DLGAP2: variants seen among roughly 807,000 people sequenced by gnomAD.
DLGAP2 encodes the protein DLG associated protein 2.
Under a neutral mutation model 100.3 loss-of-function variants are expected in DLGAP2, and 26 were observed. That is an observed-to-expected ratio of 0.26 (90% CI 0.19 to 0.36). The LOEUF (loss-of-function observed/expected upper bound fraction) is 0.36. Among genes scored for constraint, DLGAP2 ranks in the 10% least tolerant of loss-of-function variants. DLGAP2 has a pLI of 1.00. For missense variants in DLGAP2, 1,858 were observed against 1,453.2 expected, an observed-to-expected ratio of 1.28 and a Z score of -4.53; for synonymous variants, 886 against 630.1, an observed-to-expected ratio of 1.41 and a Z score of -6.08.
At chr8:1,640,773 C>T (rs1257342422) in intron 8 of DLGAP2, among the ~76,000 whole-genome samples, 1 of 152,152 alleles carries the variant, frequency 6.6e-6, no homozygotes, top group Non-Finnish European at 1.5e-5. Context: ...CGTGGCCCGC[C>T]CCCCCGCATC....
At chr8:788,297 C>T (rs1460019476) in intron 1 of DLGAP2, among the ~76,000 whole-genome samples, 2 of 152,192 alleles carry the variant, frequency 1.3e-5, no homozygotes, top group Non-Finnish European at 2.9e-5. Context: ...GTGGTCTGGT[C>T]GAGATAGCAG....
intron 2 of DLGAP2, among the ~76,000 whole-genome samples, chr8:1,050,237 A>G (rs1802638731): frequency 6.6e-6 from 1 of 152,238 alleles, no homozygotes; most frequent in South Asian, 2.1e-4. Flanking sequence ...CGATTTAACC[A>G]TGGTTTGACA....
chr8:1,376,718 C>T lies in DLGAP2; in HGVS notation c.106+117835C>T, dbSNP rs866689494. Among the ~76,000 whole-genome samples, 17 of 60,720 alleles carry T rather than the reference C, an allele frequency of 2.8e-4. 1 individual carries two copies. In the East Asian group the frequency reaches 0.011, roughly 39 times the overall value. The allele number at this position is 60,720 out of a possible 152,430, so 39.8% of individuals were successfully genotyped here. A position where few individuals can be genotyped will look rare whatever the true frequency, so the allele number is the denominator to read the frequency against. ...GGGACAGGGCTACCGAGACCCTCAACCTGAGCCCGGTGGGATGTGTGGTCA... is the reference window on the plus strand; with the variant it reads ...GGGACAGGGCTACCGAGACCCTCAATCTGAGCCCGGTGGGATGTGTGGTCA... On this transcript the variant is annotated intron_variant, in intron 3 of 14. Coordinates refer to ENST00000637795, the MANE Select transcript of DLGAP2 (RefSeq NM_001346810.2).
chr8:1,459,970 G>A lies in DLGAP2; in HGVS notation c.107-41396G>A, dbSNP rs144885138. 5.2e-3 allele frequency among the ~76,000 whole-genome samples: 792 copies of A among 152,242 alleles called. 5 individuals carry two copies. The highest frequency in any genetic ancestry group is 0.018 in the African/African-American group (738 of 41,536). Reference sequence around the variant, plus strand: ...CACAGGGCAAAAAGTACTCACAGAGGTTCGGGACCTCGGGTGTTTTTATGT... The same window carrying A: ...CACAGGGCAAAAAGTACTCACAGAGATTCGGGACCTCGGGTGTTTTTATGT... On this transcript the variant is annotated intron_variant, in intron 3 of 14. Coordinates refer to ENST00000637795, the MANE Select transcript of DLGAP2 (RefSeq NM_001346810.2).
intron 3 of DLGAP2, among the ~76,000 whole-genome samples, chr8:1,386,383 C>T (rs1176898346): frequency 6.6e-6 from 1 of 152,162 alleles, no homozygotes; most frequent in African/African-American, 2.4e-5. Flanking sequence ...CCAGCATTGC[C>T]AGGGGAGCCT....
intron 3 of DLGAP2, among the ~76,000 whole-genome samples, chr8:1,448,953 C>G (rs902766565): frequency 1.3e-5 from 2 of 152,230 alleles, no homozygotes; most frequent in Admixed American, 6.5e-5. Flanking sequence ...GAAGCAAAGT[C>G]TGTGTCCTTA....
chr8:1,476,852 C>A (rs540117280), intron 3 of DLGAP2, among the ~76,000 whole-genome samples: 1 of 151,862 alleles, frequency 6.6e-6, no homozygotes, highest in African/African-American at 2.4e-5. Context: ...TCTGCAGACC[C>A]ACCCGTGATG....
chr8:1,340,040 G>A (rs1479992293), intron 3 of DLGAP2, among the ~76,000 whole-genome samples: 1 of 152,160 alleles, frequency 6.6e-6, no homozygotes, highest in Non-Finnish European at 1.5e-5. Context: ...GAACTGGCAG[G>A]ACGTGTGCAG....
At chr8:1,009,564 A>G (rs1276068287) in intron 2 of DLGAP2, among the ~76,000 whole-genome samples, 1 of 152,196 alleles carries the variant, frequency 6.6e-6, no homozygotes, top group African/African-American at 2.4e-5. Context: ...TTTTGAGCTC[A>G]CACTGTTCAT....
intron 1 of DLGAP2, among the ~76,000 whole-genome samples, chr8:821,478 T>C (rs968605746): frequency 1.3e-5 from 2 of 152,204 alleles, no homozygotes; most frequent in Non-Finnish European, 2.9e-5. Context: ...ATTTCATGCA[T>C]TAGTATGCCA....
rs563236564 is a variant in DLGAP2 at position 865,172 on chromosome 8, G to A, written c.19-42740G>A. 1.2e-4 allele frequency among the ~76,000 whole-genome samples: 19 copies of A among 152,318 alleles called. No homozygotes were observed. In the South Asian group the frequency reaches 3.7e-3, roughly 30 times the overall value. On this transcript the variant is annotated intron_variant, in intron 1 of 14. Coordinates refer to ENST00000637795, the MANE Select transcript of DLGAP2 (RefSeq NM_001346810.2). The stretch of plus-strand genomic sequence containing the variant: ...GCTCACCTGGCCCACCAGGACGACG[G>A]GTGCCCTCGCTGGACACGCTGTCTG...
Position 1,175,778 on chromosome 8 carries a change from C to A in DLGAP2, c.74-83073C>A, listed in dbSNP as rs867156125. ...CTTTGTCATTCACCCTATACCTCAT[C>A]GGGAAAGTAAATCTTAATACTTATT... On this transcript the variant is annotated intron_variant, in intron 2 of 14. Coordinates refer to ENST00000637795, the MANE Select transcript of DLGAP2 (RefSeq NM_001346810.2). Among the ~76,000 whole-genome samples, 3 of 152,310 alleles carry A rather than the reference C, an allele frequency of 2.0e-5. No homozygotes were observed. The South Asian group carries it at 6.2e-4, about 32-fold the overall frequency.
chr8:836,506 G>A (rs1158461601), intron 1 of DLGAP2, among the ~76,000 whole-genome samples: 1 of 152,226 alleles, frequency 6.6e-6, no homozygotes, highest in East Asian at 1.9e-4. Flanking sequence ...CCTGGCAAGC[G>A]TTCGAGGCCT....
rs370022303 is a variant in DLGAP2, at chr8:1,706,271, T to C, written c.*4865T>C. The C allele has an allele frequency of 6.6e-5, 10 of 152,216 alleles. No homozygotes were observed. Among genetic ancestry groups the C allele is most frequent in the East Asian group, 3.9e-4 (2 of 5,192 alleles). The allele number at this position is 152,216 out of a possible 1,614,324, so 9.4% of individuals were successfully genotyped here. A position where few individuals can be genotyped will look rare whatever the true frequency, so the allele number is the denominator to read the frequency against. On this transcript the variant is annotated 3_prime_UTR_variant, in exon 15 of 15. Transcript: ENST00000637795. Reference sequence around the variant, plus strand: ...TCTCAAGTTTATGTCTCAGTTTTTTTCCTCTAGAAAGGGGATTACAGTTCC... The same window carrying C: ...TCTCAAGTTTATGTCTCAGTTTTTTCCCTCTAGAAAGGGGATTACAGTTCC...
intron 2 of DLGAP2, among the ~76,000 whole-genome samples, chr8:1,186,084 C>T (rs1268312352): frequency 2.0e-5 from 3 of 152,172 alleles, no homozygotes; most frequent in South Asian, 2.1e-4. Flanking sequence ...TCGAATCCTG[C>T]CCGGGCCACC....
At chr8:799,261 G>C (rs1045052198) in intron 1 of DLGAP2, among the ~76,000 whole-genome samples, 4 of 152,152 alleles carry the variant, frequency 2.6e-5, no homozygotes, top group African/African-American at 7.2e-5. Context: ...TCTGTTTTCT[G>C]AGTGGTCATG....
chr8:1,290,442 T>A (rs1372464635), intron 3 of DLGAP2, among the ~76,000 whole-genome samples: 3 of 152,220 alleles, frequency 2.0e-5, no homozygotes, highest in African/African-American at 7.2e-5. Flanking sequence ...ACGAGACTGT[T>A]GACCAGATCT....
At chr8:1,507,536 C>T (rs974776155) in intron 4 of DLGAP2, among the ~76,000 whole-genome samples, 2 of 152,142 alleles carry the variant, frequency 1.3e-5, no homozygotes, top group Admixed American at 1.3e-4. Context: ...GCAGAGGGAG[C>T]CGGCTCCGGC....
chr8:1,194,839 CA>C (rs1429941945), intron 2 of DLGAP2, among the ~76,000 whole-genome samples: 1 of 152,176 alleles, frequency 6.6e-6, no homozygotes, highest in Non-Finnish European at 1.5e-5. Flanking sequence ...CGTGTGTGGC[CA>C]GGGTTCTTCG....
Sources: allele counts gnomAD v4.1 joint callset (sites outside exome capture counted in the v4.1 genomes callset), GRCh38; gene constraint gnomAD v4.1.1; transcripts MANE v1.5; gene names NCBI Gene and HGNC (gene_info 2026-07-23, HGNC 2026-07-21).